PCDHA7: variants seen among roughly 807,000 people sequenced by gnomAD.
PCDHA7 encodes the protein protocadherin alpha-7.
A neutral mutation model predicts 57.2 loss-of-function variants in PCDHA7; 37 were observed. The ratio of observed to expected loss-of-function variants is 0.65; its 90% CI spans 0.50 to 0.85. The LOEUF (loss-of-function observed/expected upper bound fraction) is 0.85, where lower values mean the gene tolerates loss of function less well. PCDHA7 is among the 40% of genes least tolerant of loss of function. The pLI is 0.00. For synonymous variants in PCDHA7, 553 were observed against 558.8 expected, an observed-to-expected ratio of 0.99 and a Z score of 0.15; for missense variants, 1,188 against 1,241.8, an observed-to-expected ratio of 0.96 and a Z score of 0.65.
chr5:140,841,945 C>A (rs1554138662), intron 1 of PCDHA7: 1 of 1,613,782 alleles, frequency 6.2e-7, no homozygotes, highest in African/African-American at 1.3e-5. Flanking sequence ...CTCCTGCGCA[C>A]CACTTATTCC....
At chr5:140,877,375 C>G (rs782650940) in intron 1 of PCDHA7, 1 of 1,614,006 alleles carries the variant, frequency 6.2e-7, no homozygotes, top group Admixed American at 1.7e-5. Flanking sequence ...CAGCACGACA[C>G]GCATCCTGGA....
chr5:140,835,704 G>A lies in PCDHA7; in HGVS notation c.1321G>A (p.Val441Met), dbSNP rs2150242538. 5 of 1,613,772 alleles carry A rather than the reference G, an allele frequency of 3.1e-6. No individual in the cohort carries two copies. The highest frequency in any genetic ancestry group is 3.3e-5 in the Admixed American group (2 of 60,002). The change falls in exon 1 of 4, where the codon GTG becomes ATG. Residue 441 changes from valine (V) to methionine (M), a missense_variant. By Grantham distance (21) the Val-to-Met change is conservative. Around this residue, in one of 3 missense-constraint regions of PCDHA7, gnomAD observed 892 missense variants for 788.5 expected, o/e 1.13. Transcript: ENST00000525929. ...GCCTTCTCTGTGGGCCACTGCTAGC[G>A]TGTCCGTGGAGGTGGCCGACGTGAA... ...GSPSLWATASVSVEVADVNDN... is the reference protein window; with the variant it reads ...GSPSLWATASMSVEVADVNDN...
chr5:140,902,415 G>C (rs887303649), intron 1 of PCDHA7, among the ~76,000 whole-genome samples: 24 of 152,178 alleles, frequency 1.6e-4, no homozygotes, highest in Admixed American at 1.3e-3. Flanking sequence ...TTGAATAACA[G>C]TGGTGAAAGT....
intron 1 of PCDHA7, among the ~76,000 whole-genome samples, chr5:140,906,476 G>A (rs1284528767): frequency 1.3e-5 from 2 of 152,192 alleles, no homozygotes; most frequent in African/African-American, 4.8e-5. Context: ...TAGTACAAAT[G>A]TATAAATGCA....
At chr5:140,958,326 A>T (rs1440413634) in intron 1 of PCDHA7, among the ~76,000 whole-genome samples, 1 of 152,150 alleles carries the variant, frequency 6.6e-6, no homozygotes, top group Non-Finnish European at 1.5e-5. Flanking sequence ...CTCAAAAAAT[A>T]AATAAATCAC....
intron 1 of PCDHA7, among the ~76,000 whole-genome samples, chr5:140,920,083 G>A (rs536573725): frequency 3.3e-5 from 5 of 152,260 alleles, no homozygotes; most frequent in East Asian, 1.9e-4. Flanking sequence ...CAGATTCTCC[G>A]TAGAGCCTCT....
At chr5:140,900,494 C>G (rs2068089293) in intron 1 of PCDHA7, among the ~76,000 whole-genome samples, 1 of 152,202 alleles carries the variant, frequency 6.6e-6, no homozygotes, top group Admixed American at 6.5e-5. Context: ...TCAGACTGGT[C>G]TCAAATTCCC....
At position 140,836,229 on chromosome 5, in the gene PCDHA7, G is replaced by C; in HGVS notation, c.1846G>C (p.Ala616Pro). 1 of 1,613,818 alleles carries C rather than the reference G, an allele frequency of 6.2e-7. No individual in the cohort carries two copies. The highest frequency in any genetic ancestry group is 8.5e-7 in the Non-Finnish European group (1 of 1,179,828). Residue 616 changes from alanine (A) to proline (P), a missense_variant, in exon 1 of 4, where the codon GCC becomes CCC. Physicochemically the swap from Ala to Pro is conservative, Grantham distance 27. Around this residue, in one of 3 missense-constraint regions of PCDHA7, gnomAD observed 892 missense variants for 788.5 expected, o/e 1.13. Transcript: ENST00000525929. ...TTCGTATGAGTTGCAACCGGTGGCG[G>C]CCGGTGCGAGCATCCCGTTCCGCGT... ...WLSYELQPVAAGASIPFRVGL... is the reference protein window; with the variant it reads ...WLSYELQPVAPGASIPFRVGL...
rs1774006119 is a variant in PCDHA7 at position 140,835,876 on chromosome 5, G to A, written c.1493G>A (p.Arg498Gln). 1.2e-6 allele frequency: 2 copies of A among 1,611,976 alleles called. No individual in the cohort carries two copies. The highest frequency in any genetic ancestry group is 4.5e-5 in the East Asian group (2 of 44,826). The change falls in exon 1 of 4, where the codon CGG becomes CAG. Residue 498 changes from arginine (R) to glutamine (Q), a missense_variant. Physicochemically the swap from Arg to Gln is conservative, Grantham distance 43 (BLOSUM62 1). Around this residue, in one of 3 missense-constraint regions of PCDHA7, gnomAD observed 892 missense variants for 788.5 expected, o/e 1.13. Transcript: ENST00000525929. Reference sequence around the variant, plus strand: ...GTGTCCTACTCGCTGGTGGAGCTGCGGGTGGGCGAGCGCGCGCTGTCGAGC... The same window carrying A: ...GTGTCCTACTCGCTGGTGGAGCTGCAGGTGGGCGAGCGCGCGCTGTCGAGC... The part of the protein sequence containing the change: ...ALVSYSLVEL[R>Q]VGERALSSYV...
intron 1 of PCDHA7, chr5:140,869,960 C>G: frequency 6.2e-7 from 1 of 1,612,264 alleles, no homozygotes; most frequent in Non-Finnish European, 8.5e-7. Flanking sequence ...TCAATTAAGC[C>G]CAATGGAAGA....
chr5:140,975,579 A>G (rs1464978366), intron 1 of PCDHA7, among the ~76,000 whole-genome samples: 3 of 152,244 alleles, frequency 2.0e-5, no homozygotes, highest in Non-Finnish European at 4.4e-5. Context: ...ATGCAGTCTC[A>G]TGTCCCAGAG....
Position 140,850,649 on chromosome 5 carries a change from C to T in PCDHA7, c.2355+13911C>T, listed in dbSNP as rs1413606456. The T allele has an allele frequency of 2.5e-6, 4 of 1,598,500 alleles. 1 individual carries two copies. Among genetic ancestry groups the T allele is most frequent in the Non-Finnish European group, 2.6e-6 (3 of 1,167,902 alleles). ...TGTTGGTTCTCACGCTGCTGCTGTA[C>T]ACTGTGCTGCGGTGCTCGGCGATGC... On this transcript the variant is annotated intron_variant, in intron 1 of 3. Transcript: ENST00000525929.
chr5:141,000,418 T>TAA (rs2097924814), intron 3 of PCDHA7, among the ~76,000 whole-genome samples: 1 of 83,682 alleles, frequency 1.2e-5, no homozygotes, highest in Non-Finnish European at 2.2e-5. Context: ...TATATATATA[T>TAA]ATATTTTTTT....
intron 1 of PCDHA7, chr5:140,967,956 A>C: frequency 6.2e-7 from 1 of 1,614,172 alleles, no homozygotes; most frequent in Non-Finnish European, 8.5e-7. Context: ...TCAGGCCCCA[A>C]CCGGAAAGTG....
chr5:140,911,849 T>C (rs536574096), intron 1 of PCDHA7, among the ~76,000 whole-genome samples: 4 of 152,314 alleles, frequency 2.6e-5, no homozygotes, highest in African/African-American at 9.6e-5. Flanking sequence ...AACTCCATCC[T>C]TAATAGTCTG....
intron 3 of PCDHA7, among the ~76,000 whole-genome samples, chr5:141,000,391 C>CTA (rs2097912428): frequency 7.9e-4 from 45 of 56,656 alleles, no homozygotes; most frequent in East Asian, 1.2e-3. Flanking sequence ...CTCTCTCTCT[C>CTA]TCTCTATATA....
intron 1 of PCDHA7, among the ~76,000 whole-genome samples, chr5:140,975,393 C>G (rs2096665585): frequency 6.6e-6 from 1 of 152,256 alleles, no homozygotes. Flanking sequence ...TAAGATCCAT[C>G]ACAATCACAG....
chr5:140,850,161 C>G, intron 1 of PCDHA7: 1 of 1,594,998 alleles, frequency 6.3e-7, no homozygotes, highest in Non-Finnish European at 8.6e-7. Context: ...GGTGTTCGTG[C>G]TGGACGAGAA....
rs2150256538 is a variant in PCDHA7, at chr5:140,836,260, T to C, written c.1877T>C (p.Leu626Pro). 1 of 1,613,780 alleles carries C rather than the reference T, an allele frequency of 6.2e-7. No individual in the cohort carries two copies. The highest frequency in any genetic ancestry group is 1.7e-5 in the Admixed American group (1 of 60,024). Reference sequence around the variant, plus strand: ...GCGAGCATCCCGTTCCGCGTGGGGCTGTACACTGGTGAGATCAGCACGACA... The same window carrying C: ...GCGAGCATCCCGTTCCGCGTGGGGCCGTACACTGGTGAGATCAGCACGACA... Reference protein sequence around the residue: ...AGASIPFRVGLYTGEISTTRA... With the variant: ...AGASIPFRVGPYTGEISTTRA... Residue 626 changes from leucine (L) to proline (P), a missense_variant, in exon 1 of 4, where the codon CTG becomes CCG. Leu to Pro is a moderately conservative substitution (Grantham distance 98, BLOSUM62 -3). Around this residue, in one of 3 missense-constraint regions of PCDHA7, gnomAD observed 892 missense variants for 788.5 expected, o/e 1.13. Coordinates refer to ENST00000525929, the MANE Select transcript of PCDHA7 (RefSeq NM_018910.3).
Sources: gnomAD v4.1 joint callset for allele counts (sites outside exome capture counted in the v4.1 genomes callset) on GRCh38, gnomAD v4.1.1 for gene constraint, gnomAD v4.1.1 regional missense constraint, MANE v1.5 for transcripts, NCBI Gene and HGNC (gene_info 2026-07-23, HGNC 2026-07-21) for gene names.